Variants in DOCK2 observed in about 807,000 individuals in gnomAD.
DOCK2 encodes dedicator of cytokinesis 2, also known as dedicator of cytokinesis protein 2.
A neutral mutation model predicts 248.9 loss-of-function variants in DOCK2; 87 were observed. The observed-to-expected ratio is 0.35, with a 90% confidence interval of 0.29 to 0.42. The LOEUF (loss-of-function observed/expected upper bound fraction) is 0.42, where lower values mean the gene tolerates loss of function less well. Ranked by LOEUF, DOCK2 falls within the 10% of genes least tolerant of loss-of-function variation. The probability of loss-of-function intolerance (pLI) is 1.00; values close to 1 mark genes in which losing one functional copy is unlikely to be tolerated. For synonymous variants in DOCK2, 805 were observed against 821.6 expected (o/e 0.98, Z 0.35); for missense variants, 1,747 against 2,300.2 (o/e 0.76, Z 4.92).
At chr5:169,926,960 G>T (rs545732977) in intron 27 of DOCK2, among the ~76,000 whole-genome samples, 12 of 152,326 alleles carry the variant, frequency 7.9e-5, no homozygotes, top group Admixed American at 5.9e-4. Context: ...CAGAAATGAG[G>T]CTGGCTACTT....
chr5:169,824,663 A>T (rs943677582), intron 26 of DOCK2, among the ~76,000 whole-genome samples: 12 of 152,250 alleles, frequency 7.9e-5, no homozygotes, highest in African/African-American at 2.4e-4. Flanking sequence ...CTAAAACCAT[A>T]AAAACCCTAG....
intron 27 of DOCK2, among the ~76,000 whole-genome samples, chr5:169,904,995 C>T (rs60445155): frequency 0.018 from 2,794 of 152,268 alleles, 87 homozygotes; most frequent in African/African-American, 0.064. Context: ...ACTGAACCTC[C>T]CTGAGCCTCA....
intron 5 of DOCK2, among the ~76,000 whole-genome samples, chr5:169,673,530 A>C (rs1393580479): frequency 6.6e-6 from 1 of 152,106 alleles, no homozygotes. Flanking sequence ...TTTTATAAAA[A>C]AAAATTTAGA....
chr5:169,893,629 T>G (rs1773423186), intron 27 of DOCK2, among the ~76,000 whole-genome samples: 1 of 152,176 alleles, frequency 6.6e-6, no homozygotes, highest in South Asian at 2.1e-4. Flanking sequence ...GCTCTGTGTG[T>G]CAGATGGAAG....
intron 27 of DOCK2, among the ~76,000 whole-genome samples, chr5:169,914,049 G>C (rs139912367): frequency 1.0e-3 from 157 of 152,230 alleles, no homozygotes; most frequent in Middle Eastern, 6.8e-3. Flanking sequence ...TACTAAAGAT[G>C]CCCTTTCAAA....
At chr5:169,859,761 T>C (rs574690025) in intron 27 of DOCK2, among the ~76,000 whole-genome samples, 2 of 152,266 alleles carry the variant, frequency 1.3e-5, no homozygotes, top group African/African-American at 4.8e-5. Flanking sequence ...CATTTAGCCT[T>C]CCTTAATTGA....
At chr5:169,900,650 G>T (rs554417221) in intron 27 of DOCK2, among the ~76,000 whole-genome samples, 1 of 152,166 alleles carries the variant, frequency 6.6e-6, no homozygotes, top group African/African-American at 2.4e-5. Flanking sequence ...TAGAAGCTTC[G>T]ATTAGCAGTA....
At chr5:169,824,481 T>A (rs1345770177) in intron 26 of DOCK2, among the ~76,000 whole-genome samples, 1 of 152,136 alleles carries the variant, frequency 6.6e-6, no homozygotes, top group East Asian at 1.9e-4. Context: ...CATCTACAAC[T>A]ATCTGATCTT....
intron 27 of DOCK2, among the ~76,000 whole-genome samples, chr5:169,850,965 C>G (rs79945972): frequency 6.6e-6 from 1 of 152,192 alleles, no homozygotes; most frequent in Admixed American, 6.5e-5. Flanking sequence ...GCCATCTTTC[C>G]GGTTGTTCGT....
intron 27 of DOCK2, among the ~76,000 whole-genome samples, chr5:169,953,470 C>T (rs1204659941): frequency 2.0e-5 from 3 of 152,260 alleles, no homozygotes; most frequent in African/African-American, 7.2e-5. Context: ...CCGCAATTCC[C>T]TTGTTTATGA....
intron 27 of DOCK2, among the ~76,000 whole-genome samples, chr5:169,911,906 G>A (rs1450355576): frequency 6.6e-6 from 1 of 152,206 alleles, no homozygotes; most frequent in Non-Finnish European, 1.5e-5. Context: ...TTCACTACCA[G>A]AGTCTCATGG....
intron 26 of DOCK2, among the ~76,000 whole-genome samples, chr5:169,824,336 G>C (rs1768693074): frequency 6.6e-6 from 1 of 152,102 alleles, no homozygotes. Flanking sequence ...GCCAAAAGAA[G>C]AAAGCTGGAG....
chr5:169,699,471 T>C lies in DOCK2; in HGVS notation c.1132+13T>C, dbSNP rs746503282. 15 of 1,609,880 alleles carry C rather than the reference T, an allele frequency of 9.3e-6. No individual in the cohort carries two copies. The Admixed American group carries it at 2.5e-4, about 27-fold the overall frequency. On this transcript the variant is annotated intron_variant, in intron 12 of 51. Coordinates refer to ENST00000520908, the MANE Select transcript of DOCK2 (RefSeq NM_004946.3). The stretch of plus-strand genomic sequence containing the variant: ...AGTGGAGGGCAAGGTAAAGTGCCAA[T>C]ATGCCAGTGGGCTGAGCCTGCTCCA...
intron 38 of DOCK2, among the ~76,000 whole-genome samples, chr5:170,043,970 A>T (rs1205695206): frequency 6.6e-6 from 1 of 152,234 alleles, no homozygotes. Context: ...ATGGGGAAAA[A>T]GGCAAAGGAA....
intron 25 of DOCK2, among the ~76,000 whole-genome samples, chr5:169,790,230 A>C (rs1766246154): frequency 1.3e-5 from 2 of 152,318 alleles, no homozygotes; most frequent in African/African-American, 2.4e-5. Flanking sequence ...CCAGAAATGG[A>C]ATGCTAGCTG....
rs139755807 is a variant in DOCK2 at position 169,793,018 on chromosome 5, C to A, written c.2555-10040C>A. On this transcript the variant is annotated intron_variant, in intron 25 of 51. Transcript: ENST00000520908. ...ACCTTTCAGAACACACTATTTATGT[C>A]CTAGTAGCTTTCAGAAGGCGTGATG... 3.2e-4 allele frequency among the ~76,000 whole-genome samples: 49 copies of A among 152,234 alleles called. No homozygotes were observed. The East Asian group carries it at 9.5e-3, about 29-fold the overall frequency.
chr5:169,753,358 C>A (rs374629880), intron 23 of DOCK2, among the ~76,000 whole-genome samples: 3 of 144,182 alleles, frequency 2.1e-5, no homozygotes, highest in South Asian at 2.1e-4. Context: ...CTGCCCTCAC[C>A]CCCCCCCACC....
At chr5:170,063,138 AAAAG>A (rs1757387104) in intron 44 of DOCK2, among the ~76,000 whole-genome samples, 1 of 152,172 alleles carries the variant, frequency 6.6e-6, no homozygotes. Context: ...CACAGGAAAA[AAAAG>A]CAGCAGTTTT....
At chr5:169,845,254 A>G (rs376385249) in intron 27 of DOCK2, among the ~76,000 whole-genome samples, 2 of 148,522 alleles carry the variant, frequency 1.3e-5, no homozygotes, top group Non-Finnish European at 1.5e-5. Context: ...ACCTGTCCCC[A>G]CTCCCTCCCC....
Sources: gnomAD v4.1 joint callset for allele counts (sites outside exome capture counted in the v4.1 genomes callset) on GRCh38, gnomAD v4.1.1 for gene constraint, MANE v1.5 for transcripts, NCBI Gene and HGNC (gene_info 2026-07-23, HGNC 2026-07-21) for gene names.